The following ZNF385B variants were observed in gnomAD, a reference collection of about 807,000 sequenced individuals.
ZNF385B encodes the protein zinc finger protein 533.
A neutral mutation model predicts 39.2 loss-of-function variants in ZNF385B; 23 were observed. The observed-to-expected ratio is 0.59, with a 90% CI of 0.42 to 0.83. The LOEUF (loss-of-function observed/expected upper bound fraction) is 0.83, where lower values mean the gene tolerates loss of function less well. Among genes scored for constraint, ZNF385B ranks in the 40% least tolerant of loss-of-function variants. ZNF385B has a pLI of 0.00. For synonymous variants in ZNF385B, 205 were observed against 222.6 expected, an observed-to-expected ratio of 0.92 and a Z score of 0.70; for missense variants, 552 against 598.9, an observed-to-expected ratio of 0.92 and a Z score of 0.82.
intron 3 of ZNF385B, among the ~76,000 whole-genome samples, chr2:179,744,285 G>T (rs1406986189): frequency 6.6e-6 from 1 of 151,026 alleles, no homozygotes; most frequent in African/African-American, 2.4e-5. Flanking sequence ...ATTCTTGAGG[G>T]TCTAATTAGG....
intron 3 of ZNF385B, among the ~76,000 whole-genome samples, chr2:179,743,300 A>T (rs1469793657): frequency 6.6e-6 from 1 of 152,038 alleles, no homozygotes; most frequent in African/African-American, 2.4e-5. Flanking sequence ...TTGTGACATA[A>T]CATTCCCAAA....
At chr2:179,741,300 T>C (rs963659573) in intron 3 of ZNF385B, among the ~76,000 whole-genome samples, 2 of 152,200 alleles carry the variant, frequency 1.3e-5, no homozygotes, top group Non-Finnish European at 2.9e-5. Flanking sequence ...GGTTCACTTC[T>C]GTGATTTTTT....
At position 179,740,564 on chromosome 2, in the gene ZNF385B, G is replaced by A. The variant is rs145756739; in HGVS notation, c.298+28939C>T. Among the ~76,000 whole-genome samples the A allele has an allele frequency of 1.2e-4, 18 of 152,270 alleles. No individual in the cohort carries two copies. The East Asian group carries it at 2.5e-3, about 21-fold the overall frequency. ...CTTTTCCAAAAATTTGAGGACAAACGTTGTTGGAAGATCTTTAGGGATTGA... is the reference window on the plus strand; with the variant it reads ...CTTTTCCAAAAATTTGAGGACAAACATTGTTGGAAGATCTTTAGGGATTGA... On this transcript the variant is annotated intron_variant, in intron 3 of 9. Transcript: ENST00000410066.
intron 6 of ZNF385B, among the ~76,000 whole-genome samples, chr2:179,462,125 TG>T (rs1177258717): frequency 6.6e-6 from 1 of 152,212 alleles, no homozygotes; most frequent in African/African-American, 2.4e-5. Flanking sequence ...AAAGGACTGA[TG>T]GTCACATTCT....
At chr2:179,534,556 G>T (rs781321378) in intron 4 of ZNF385B, among the ~76,000 whole-genome samples, 1 of 152,024 alleles carries the variant, frequency 6.6e-6, no homozygotes, top group Non-Finnish European at 1.5e-5. Flanking sequence ...AAATCTTCAT[G>T]ATGTAAAAAT....
chr2:179,444,732 T>C (rs1046220179), intron 9 of ZNF385B, 144 bp downstream of exon 9: 2 of 704,060 alleles, frequency 2.8e-6, no homozygotes, highest in South Asian at 1.7e-5. Context: ...AACTAAGCAG[T>C]TCATTCTAAA....
At position 179,539,821 on chromosome 2, in the gene ZNF385B, C is replaced by G. The variant is rs546555737; in HGVS notation, c.441+5006G>C. 1.1e-3 allele frequency among the ~76,000 whole-genome samples: 162 copies of G among 152,150 alleles called. 1 individual carries two copies. The highest frequency in any genetic ancestry group is 2.2e-3 in the Admixed American group (34 of 15,294). ...TCTTGAACACTATAAACTTTGGTAG[C>G]GATTTTCAGTTTGCTGATGTTTCTT... is the stretch of plus-strand genomic sequence containing the variant. On this transcript the variant is annotated intron_variant, in intron 4 of 9. Coordinates refer to ENST00000410066, the MANE Select transcript of ZNF385B (RefSeq NM_152520.6).
chr2:179,569,487 C>A (rs561710161), intron 3 of ZNF385B, among the ~76,000 whole-genome samples: 329 of 152,272 alleles, frequency 2.2e-3, no homozygotes, highest in African/African-American at 7.2e-3. Flanking sequence ...CCAAATCTCA[C>A]GGTGCCTTTA....
chr2:179,820,504 C>T (rs953489465), intron 1 of ZNF385B, among the ~76,000 whole-genome samples: 1 of 152,058 alleles, frequency 6.6e-6, no homozygotes, highest in East Asian at 1.9e-4. Flanking sequence ...TTACTCTTAA[C>T]ATACTCTTAT....
intron 1 of ZNF385B, among the ~76,000 whole-genome samples, chr2:179,810,339 G>T (rs897628417): frequency 1.3e-5 from 2 of 151,812 alleles, no homozygotes; most frequent in Non-Finnish European, 2.9e-5. Context: ...GAGAAAATCT[G>T]AAATCTTAAA....
intron 3 of ZNF385B, among the ~76,000 whole-genome samples, chr2:179,646,922 G>A (rs894787711): frequency 6.6e-6 from 1 of 152,158 alleles, no homozygotes; most frequent in Non-Finnish European, 1.5e-5. Context: ...TATAACCCAT[G>A]AGCAGCAAAC....
At chr2:179,734,399 T>G (rs2367801) in intron 3 of ZNF385B, among the ~76,000 whole-genome samples, 1 of 152,170 alleles carries the variant, frequency 6.6e-6, no homozygotes, top group Non-Finnish European at 1.5e-5. Flanking sequence ...ATACTCCACA[T>G]AACAATGTAT....
At chr2:179,487,096 C>T (rs1204941938) in intron 5 of ZNF385B, among the ~76,000 whole-genome samples, 1 of 152,186 alleles carries the variant, frequency 6.6e-6, no homozygotes, top group African/African-American at 2.4e-5. Flanking sequence ...CCTCCAAGTA[C>T]AAGATAAACA....
intron 3 of ZNF385B, among the ~76,000 whole-genome samples, chr2:179,595,177 A>G (rs1257619256): frequency 6.6e-6 from 1 of 152,210 alleles, no homozygotes; most frequent in Non-Finnish European, 1.5e-5. Flanking sequence ...TGAAACTAGG[A>G]AGATTCAAAG....
chr2:179,706,990 T>C (rs1335753834), intron 3 of ZNF385B, among the ~76,000 whole-genome samples: 3 of 152,050 alleles, frequency 2.0e-5, no homozygotes, highest in African/African-American at 7.2e-5. Flanking sequence ...GACCCCAAGA[T>C]ACCTGGGACC....
rs565836963 is a variant in ZNF385B, at chr2:179,533,432, A to G, written c.441+11395T>C. On this transcript the variant is annotated intron_variant, in intron 4 of 9. Transcript: ENST00000410066. ...TGATATTTGCATTCTGAGAAAAAAT[A>G]TTTTTTATGCATATGTACATACCCT... Among the ~76,000 whole-genome samples the G allele has an allele frequency of 9.0e-4, 137 of 152,298 alleles. 3 individuals are homozygous for G. The South Asian group carries it at 0.022, about 24-fold the overall frequency.
At chr2:179,538,405 T>C (rs1021577576) in intron 4 of ZNF385B, among the ~76,000 whole-genome samples, 3 of 152,154 alleles carry the variant, frequency 2.0e-5, no homozygotes, top group African/African-American at 7.2e-5. Flanking sequence ...CAACACTTCA[T>C]GGGAAGCATA....
At position 179,556,435 on chromosome 2, in the gene ZNF385B, G is replaced by C. The variant is rs1215823646; in HGVS notation, c.299-11466C>G. Among the ~76,000 whole-genome samples, 4 of 149,474 alleles carry C rather than the reference G, an allele frequency of 2.7e-5. 1 individual carries two copies. The highest frequency in any genetic ancestry group is 5.9e-5 in the Non-Finnish European group (4 of 67,642). On this transcript the variant is annotated intron_variant, in intron 3 of 9. Coordinates refer to ENST00000410066, the MANE Select transcript of ZNF385B (RefSeq NM_152520.6). ...CATGATCATGCAAAAAAAGGAAATT[G>C]AAAGAAGAAAAAACGGTATTCTAAC...
At chr2:179,762,445 G>A (rs1703459211) in intron 3 of ZNF385B, among the ~76,000 whole-genome samples, 1 of 152,156 alleles carries the variant, frequency 6.6e-6, no homozygotes, top group Non-Finnish European at 1.5e-5. Flanking sequence ...GCCCACTTCA[G>A]CCTCCCAAAG....
Sources: gnomAD v4.1 joint callset for allele counts (sites outside exome capture counted in the v4.1 genomes callset) on GRCh38, gnomAD v4.1.1 for gene constraint, MANE v1.5 for transcripts, NCBI Gene and HGNC (gene_info 2026-07-23, HGNC 2026-07-21) for gene names.